Variants in CPA6 observed in about 807,000 individuals in gnomAD.
CPA6 encodes the protein carboxypeptidase B.
CPA6 carries 58 observed loss-of-function variants against 63.3 expected under a neutral mutation model. That is an observed-to-expected ratio of 0.92 (90% confidence interval 0.74 to 1.14). CPA6 has a LOEUF of 1.14. Among genes scored for constraint, CPA6 ranks in the 50% most tolerant of loss-of-function variants. The pLI, the probability that CPA6 is intolerant of heterozygous loss-of-function variation, is 0.00. For synonymous variants in CPA6, 185 were observed against 179.0 expected (o/e 1.03, Z -0.27); for missense variants, 565 against 526.6 (o/e 1.07, Z -0.71).
intron 2 of CPA6, among the ~76,000 whole-genome samples, chr8:67,520,156 G>A (rs1452247259): frequency 7.8e-6 from 1 of 128,816 alleles, no homozygotes; most frequent in Non-Finnish European, 1.6e-5. Flanking sequence ...GTGGATATGA[G>A]GAAATTGTGC....
chr8:67,634,968 G>A (rs1392876067), intron 1 of CPA6, among the ~76,000 whole-genome samples: 1 of 151,214 alleles, frequency 6.6e-6, no homozygotes, highest in Non-Finnish European at 1.5e-5. Flanking sequence ...ACTCACTGCA[G>A]CCTCAACCTC....
chr8:67,746,069 A>T lies in CPA6; in HGVS notation c.61T>A (p.Phe21Ile), dbSNP rs147067921. The T allele has an allele frequency of 3.3e-5, 53 of 1,613,896 alleles. No individual in the cohort carries two copies. In the African/African-American group the frequency reaches 6.3e-4, roughly 19 times the overall value. ...TGCCCCGGTTGCAGAATCTTCAAAA[A>T]GAGCCAGCAAAGAGGCAGGAAAGCA... ...AAAFLPLCWL[F>I]LKILQPGHSH... is the part of the protein sequence containing the mutation. The change falls in exon 1 of 11, where the codon TTT (phenylalanine) becomes ATT (isoleucine). Residue 21 changes from phenylalanine to isoleucine, a missense_variant. By Grantham distance (21) the Phe-to-Ile change is conservative (BLOSUM62 0). Coordinates refer to ENST00000297770, the MANE Select transcript of CPA6 (RefSeq NM_020361.5).
At chr8:67,575,220 A>G (rs1813592800) in intron 2 of CPA6, among the ~76,000 whole-genome samples, 1 of 152,224 alleles carries the variant, frequency 6.6e-6, no homozygotes, top group Non-Finnish European at 1.5e-5. Flanking sequence ...GCTATTACCA[A>G]AAAGAGGAAA....
intron 1 of CPA6, among the ~76,000 whole-genome samples, chr8:67,699,279 G>A (rs1816970922): frequency 6.6e-6 from 1 of 152,038 alleles, no homozygotes; most frequent in African/African-American, 2.4e-5. Flanking sequence ...ATCCGGGTGT[G>A]GTGGCATGTA....
intron 1 of CPA6, among the ~76,000 whole-genome samples, chr8:67,697,467 A>C (rs1816932238): frequency 6.6e-6 from 1 of 152,208 alleles, no homozygotes; most frequent in Admixed American, 6.6e-5. Flanking sequence ...TAAACTCTGA[A>C]AGTGACTCAA....
chr8:67,465,055 G>A (rs1045309927), intron 8 of CPA6, among the ~76,000 whole-genome samples: 3 of 152,066 alleles, frequency 2.0e-5, no homozygotes, highest in Admixed American at 6.5e-5. Flanking sequence ...AAATGATGTT[G>A]GTATTTTGAT....
At chr8:67,492,100 G>T (rs1246191416) in intron 6 of CPA6, among the ~76,000 whole-genome samples, 1 of 152,178 alleles carries the variant, frequency 6.6e-6, no homozygotes, top group Non-Finnish European at 1.5e-5. Context: ...AATGCTGGAG[G>T]TGAGATCTGA....
At chr8:67,553,770 T>C (rs1813001488) in intron 2 of CPA6, among the ~76,000 whole-genome samples, 2 of 152,148 alleles carry the variant, frequency 1.3e-5, no homozygotes, top group Non-Finnish European at 2.9e-5. Flanking sequence ...TACTAAAAAA[T>C]AATAAAAATA....
At chr8:67,668,300 A>T (rs1563385182) in intron 1 of CPA6, among the ~76,000 whole-genome samples, 1 of 152,252 alleles carries the variant, frequency 6.6e-6, no homozygotes, top group Non-Finnish European at 1.5e-5. Flanking sequence ...TACCCACTTC[A>T]ACAGTTCATA....
intron 2 of CPA6, among the ~76,000 whole-genome samples, chr8:67,605,016 G>A (rs978054691): frequency 2.0e-5 from 3 of 151,326 alleles, no homozygotes; most frequent in Non-Finnish European, 4.4e-5. Context: ...GACCTCAGGT[G>A]ATCCACATGC....
At chr8:67,677,640 C>T (rs1203075894) in intron 1 of CPA6, among the ~76,000 whole-genome samples, 2 of 151,846 alleles carry the variant, frequency 1.3e-5, no homozygotes, top group Non-Finnish European at 2.9e-5. Flanking sequence ...TGATATAGAT[C>T]CAAAGAGACA....
chr8:67,657,424 T>C (rs1419683664), intron 1 of CPA6, among the ~76,000 whole-genome samples: 1 of 152,222 alleles, frequency 6.6e-6, no homozygotes, highest in Non-Finnish European at 1.5e-5. Flanking sequence ...ATCTGTGTTA[T>C]AAACCTAGCA....
intron 6 of CPA6, among the ~76,000 whole-genome samples, chr8:67,491,788 A>G (rs1811611231): frequency 6.6e-6 from 1 of 152,174 alleles, no homozygotes; most frequent in Non-Finnish European, 1.5e-5. Context: ...ACTTTAGTTA[A>G]ATAACACCAG....
intron 6 of CPA6, among the ~76,000 whole-genome samples, chr8:67,488,878 TTG>T (rs1811544600): frequency 6.6e-6 from 1 of 152,196 alleles, no homozygotes; most frequent in Non-Finnish European, 1.5e-5. Context: ...GTAAGAATGC[TTG>T]TGATTTTTTC....
At chr8:67,618,459 G>C (rs1815007238) in intron 2 of CPA6, among the ~76,000 whole-genome samples, 1 of 152,124 alleles carries the variant, frequency 6.6e-6, no homozygotes, top group African/African-American at 2.4e-5. Flanking sequence ...GTGAGGGAGG[G>C]AGGCCACACC....
chr8:67,554,060 A>T (rs1813007176), intron 2 of CPA6, among the ~76,000 whole-genome samples: 1 of 152,250 alleles, frequency 6.6e-6, no homozygotes, highest in African/African-American at 2.4e-5. Context: ...AAGGTTCTCC[A>T]GAGAGACACA....
chr8:67,670,737 G>A lies in CPA6; in HGVS notation c.117-46486C>T, dbSNP rs191772278. On this transcript the variant is annotated intron_variant, in intron 1 of 10. Coordinates refer to ENST00000297770, the MANE Select transcript of CPA6 (RefSeq NM_020361.5). ...TACTAGCAGTGGTGTGTACAAAGAC[G>A]CAAATCAACATCAAGTACATGTCTT... 3.7e-3 allele frequency among the ~76,000 whole-genome samples: 560 copies of A among 152,192 alleles called. 1 individual carries two copies. The highest frequency in any genetic ancestry group is 0.014 in the Middle Eastern group (4 of 294).
At chr8:67,448,680 G>GAAAAAAAAAAAAAAAAAAAAAAAAA (rs1810489310) in intron 8 of CPA6, among the ~76,000 whole-genome samples, 1 of 102,324 alleles carries the variant, frequency 9.8e-6, no homozygotes, top group African/African-American at 4.9e-5. Context: ...GAAAAAAAAA[G>GAAAAAAAAAAAAAAAAAAAAAAAAA]AAAGAAAAAG....
chr8:67,701,213 C>A (rs1164440689), intron 1 of CPA6, among the ~76,000 whole-genome samples: 1 of 152,106 alleles, frequency 6.6e-6, no homozygotes, highest in Admixed American at 6.6e-5. Flanking sequence ...CTGATAGATA[C>A]AATCCTTGCT....
Sources: gnomAD v4.1 joint callset for allele counts (sites outside exome capture counted in the v4.1 genomes callset) on GRCh38, gnomAD v4.1.1 for gene constraint, MANE v1.5 for transcripts, NCBI Gene and HGNC (gene_info 2026-07-23, HGNC 2026-07-21) for gene names.